The following SHKBP1 variants were observed in gnomAD, a reference collection of about 807,000 sequenced individuals.
The protein encoded by SHKBP1 is SH3KBP1 binding protein 1.
SHKBP1 carries 71 observed loss-of-function variants against 83.9 expected under a neutral mutation model. That is an observed-to-expected ratio of 0.85 (90% CI 0.70 to 1.03). The LOEUF (loss-of-function observed/expected upper bound fraction) is 1.03. SHKBP1 is among the 50% of genes least tolerant of loss of function. The pLI is 0.00. For missense variants in SHKBP1, 824 were observed against 982.4 expected (o/e 0.84, Z 2.16); for synonymous variants, 371 against 398.0 (o/e 0.93, Z 0.81).
chr19:40,581,124 T>G (rs1475383339), intron 9 of SHKBP1, among the ~76,000 whole-genome samples, 188 bp downstream of exon 9: 1 of 152,076 alleles, frequency 6.6e-6, no homozygotes, highest in African/African-American at 2.4e-5. Flanking sequence ...CCTAGAAAAA[T>G]CCACCCACAT....
At chr19:40,585,697 G>C (rs2081306751) in intron 12 of SHKBP1, 1 of 151,338 alleles carries the variant, frequency 6.6e-6, no homozygotes, top group Non-Finnish European at 1.5e-5. Context: ...ACGGGTGCCT[G>C]CCACCATGCC....
At chr19:40,581,864 C>T (rs2081272938) in intron 9 of SHKBP1, among the ~76,000 whole-genome samples, 1 of 152,076 alleles carries the variant, frequency 6.6e-6, no homozygotes, top group East Asian at 1.9e-4. Flanking sequence ...TTTAGAATCC[C>T]ATACCCCATC....
intron 9 of SHKBP1, among the ~76,000 whole-genome samples, chr19:40,581,523 C>CAAA (rs373552328): frequency 6.3e-5 from 4 of 63,892 alleles, no homozygotes; most frequent in East Asian, 3.9e-4. Flanking sequence ...GACACCATCT[C>CAAA]AAAAAAAAAA....
chr19:40,589,149 C>T lies in SHKBP1; in HGVS notation c.1560C>T (p.Leu520=), dbSNP rs375746457. 1.9e-6 allele frequency: 3 copies of T among 1,613,266 alleles called. No individual in the cohort carries two copies. The highest frequency in any genetic ancestry group is 2.5e-6 in the Non-Finnish European group (3 of 1,179,924). ...AGGTGGTGCCCAGTGCCAGCCAGCT[C>T]TTCGTGCGTCTCTCATCTACTGGGC... ...IQKVVPSASQ[L]FVRLSSTGQR... Residue 520 remains leucine, a synonymous_variant, in exon 15 of 18, where the codon CTC becomes CTT. Coordinates refer to ENST00000291842, the MANE Select transcript of SHKBP1 (RefSeq NM_138392.4).
intron 12 of SHKBP1, among the ~76,000 whole-genome samples, chr19:40,584,562 CT>C (rs1341367609): frequency 6.6e-6 from 1 of 152,210 alleles, no homozygotes; most frequent in Admixed American, 6.5e-5. Flanking sequence ...AAGAAACCCC[CT>C]GATCTTTAGC....
chr19:40,583,438 G>T lies in SHKBP1; in HGVS notation c.1001G>T (p.Gly334Val). ...CCCATCACCAGTTATGACGCGGCAG[G>T]CTCCTTCCTCCTCCTGGGCTGCAAC... Reference protein sequence around the residue: ...VQPITSYDAAGSFLLLGCNNG... With the variant: ...VQPITSYDAAVSFLLLGCNNG... The change falls in exon 11 of 18, where the codon GGC becomes GTC. Residue 334 changes from glycine (G) to valine (V), a missense_variant. By Grantham distance (109) the Gly-to-Val change is moderately radical (BLOSUM62 -3). Transcript: ENST00000291842. 1.2e-6 allele frequency: 2 copies of T among 1,605,332 alleles called. No individual in the cohort carries two copies. Among genetic ancestry groups the T allele is most frequent in the Non-Finnish European group, 8.5e-7 (1 of 1,176,070 alleles).
At position 40,590,890 on chromosome 19, in the gene SHKBP1, G is replaced by T; in HGVS notation, c.1892+37G>T. On this transcript the variant is annotated intron_variant, in intron 17 of 17. Transcript: ENST00000291842. This position sits in a 1 kb window ranked among gnomAD's most constrained non-coding sequence, Gnocchi z 4.6. Reference sequence around the variant, plus strand: ...TCCACTGCCCCTTCTGTGCAATGAGGGGAGAGGGGACAGCATGGTGTTCCC... The same window carrying T: ...TCCACTGCCCCTTCTGTGCAATGAGTGGAGAGGGGACAGCATGGTGTTCCC... 6.4e-7 allele frequency: 1 copy of T among 1,570,388 alleles called. No individual in the cohort carries two copies. Among genetic ancestry groups the T allele is most frequent in the Non-Finnish European group, 8.7e-7 (1 of 1,149,674 alleles).
intron 12 of SHKBP1, among the ~76,000 whole-genome samples, chr19:40,586,335 T>A (rs1353563204): frequency 6.6e-6 from 1 of 152,020 alleles, no homozygotes; most frequent in African/African-American, 2.4e-5. Context: ...GCTTTCTGAC[T>A]GTGTCTCTGT....
chr19:40,578,345 G>T (rs559538951), intron 5 of SHKBP1, 117 bp from the exon 6 acceptor site: 1 of 1,460,158 alleles, frequency 6.8e-7, no homozygotes, highest in African/African-American at 1.4e-5. Context: ...GCCCTGGCCG[G>T]GTCTGTATTC....
chr19:40,589,655 A>C (rs981776545), intron 15 of SHKBP1, among the ~76,000 whole-genome samples: 1 of 151,716 alleles, frequency 6.6e-6, no homozygotes, highest in Admixed American at 6.6e-5. Context: ...GTTCTGGATG[A>C]AGGGACTCTG....
intron 6 of SHKBP1, among the ~76,000 whole-genome samples, chr19:40,579,729 T>G (rs1034583158): frequency 2.0e-5 from 3 of 152,160 alleles, no homozygotes; most frequent in Non-Finnish European, 4.4e-5. Context: ...CAGTCTTCCA[T>G]TTATTAAAAG....
At chr19:40,578,109 AC>A in intron 4 of SHKBP1, 44 bp from the exon 5 acceptor site, 1 of 1,512,284 alleles carries the variant, frequency 6.6e-7, no homozygotes, top group Non-Finnish European at 9.2e-7. Context: ...TTCTCTGTTC[AC>A]CCCCACACCT....
At chr19:40,588,001 G>A (rs985407729) in intron 13 of SHKBP1, among the ~76,000 whole-genome samples, 5 of 152,214 alleles carry the variant, frequency 3.3e-5, no homozygotes, top group Non-Finnish European at 7.3e-5. Context: ...TCAAGTCGCT[G>A]GAGAGGGGTC....
At chr19:40,581,644 G>A (rs550689146) in intron 9 of SHKBP1, among the ~76,000 whole-genome samples, 18 of 152,138 alleles carry the variant, frequency 1.2e-4, no homozygotes, top group South Asian at 4.2e-4. Context: ...CCAGGAGTTC[G>A]AGGCTGCCGT....
Position 40,590,480 on chromosome 19 carries a change from T to C in SHKBP1, c.1768+58T>C. On this transcript the variant is annotated intron_variant, in intron 16 of 17. Transcript: ENST00000291842. This position sits in a 1 kb window ranked among gnomAD's most constrained non-coding sequence, Gnocchi z 4.6. Reference sequence around the variant, plus strand: ...GCCCCACAGCCTCACCCAGAACCACTCTCCACTGCCAACTGCTTGATCTCT... The same window carrying C: ...GCCCCACAGCCTCACCCAGAACCACCCTCCACTGCCAACTGCTTGATCTCT... The C allele has an allele frequency of 6.6e-7, 1 of 1,523,992 alleles. No homozygotes were observed. The highest frequency in any genetic ancestry group is 8.9e-7 in the Non-Finnish European group (1 of 1,127,546). 94.4% of individuals were successfully genotyped at this position (1,523,992 alleles called of 1,614,324 possible).
chr19:40,584,602 C>T (rs754145502), intron 12 of SHKBP1, among the ~76,000 whole-genome samples: 2 of 152,214 alleles, frequency 1.3e-5, no homozygotes, highest in Non-Finnish European at 2.9e-5. Flanking sequence ...ACTTCTGATA[C>T]CCTCTAGAAA....
intron 9 of SHKBP1, among the ~76,000 whole-genome samples, chr19:40,581,727 C>T (rs1259278470): frequency 6.6e-6 from 1 of 152,044 alleles, no homozygotes; most frequent in Non-Finnish European, 1.5e-5. Context: ...CTCAAAGCCA[C>T]AGCAACAAAT....
In SHKBP1 at chr19:40,583,564, T is replaced by G. The variant is rs775641572; in HGVS notation, c.1049-37T>G. ...AGGGAGGGAGAGAGGCTGGGGCACT[T>G]GGAACAAACCCGCTCCACCCTCCCT... On this transcript the variant is annotated intron_variant, in intron 11 of 17. Coordinates refer to ENST00000291842, the MANE Select transcript of SHKBP1 (RefSeq NM_138392.4). The G allele has an allele frequency of 3.5e-5, 56 of 1,611,676 alleles. No individual in the cohort carries two copies. In the South Asian group the frequency reaches 5.7e-4, roughly 16 times the overall value.
chr19:40,582,983 A>T (rs1486746364), intron 10 of SHKBP1, among the ~76,000 whole-genome samples: 1 of 151,872 alleles, frequency 6.6e-6, no homozygotes, highest in African/African-American at 2.4e-5. Context: ...ACTCAGAGAG[A>T]TAAATGGAGA....
Sources: allele counts gnomAD v4.1 joint callset (sites outside exome capture counted in the v4.1 genomes callset), GRCh38; gene constraint gnomAD v4.1.1; non-coding constraint Gnocchi (gnomAD v3.1); transcripts MANE v1.5; gene names NCBI Gene and HGNC (gene_info 2026-07-23, HGNC 2026-07-21).